KPNA3: variants seen among roughly 807,000 people sequenced by gnomAD.
KPNA3 encodes importin subunit alpha-4.
KPNA3 carries 13 observed loss-of-function variants against 73.8 expected under a neutral mutation model. That is an observed-to-expected ratio of 0.18 (90% CI 0.11 to 0.28). KPNA3 has a LOEUF of 0.28. KPNA3 is among the 10% of genes least tolerant of loss of function. The pLI is 1.00. For synonymous variants in KPNA3, 186 were observed against 206.9 expected, an observed-to-expected ratio of 0.90 and a Z score of 0.87; for missense variants, 360 against 618.1, an observed-to-expected ratio of 0.58 and a Z score of 4.43.
At chr13:49,702,992 C>T (rs770337294) in intron 15 of KPNA3, among the ~76,000 whole-genome samples, 74 of 151,818 alleles carry the variant, frequency 4.9e-4, no homozygotes, top group Non-Finnish European at 1.0e-3. Context: ...CCTAAGCCTC[C>T]CAAGTAGCTG....
At chr13:49,721,879 T>C in intron 9 of KPNA3, 76 bp downstream of exon 9, 2 of 976,004 alleles carry the variant, frequency 2.0e-6, no homozygotes, top group Non-Finnish European at 2.9e-6. Flanking sequence ...TGTATTATTT[T>C]GTCCCCTGTA....
chr13:49,727,789 C>T (rs7993631), intron 6 of KPNA3, among the ~76,000 whole-genome samples: 18,141 of 152,080 alleles, frequency 0.12, 2,172 homozygotes, highest in East Asian at 0.58. Flanking sequence ...AGAAGAGCAA[C>T]ATGAATCCTG....
chr13:49,737,778 A>C (rs556072529), intron 2 of KPNA3, among the ~76,000 whole-genome samples: 2 of 152,166 alleles, frequency 1.3e-5, no homozygotes, highest in South Asian at 4.1e-4. Flanking sequence ...CCTGGCTCTT[A>C]CTGCTGAGTT....
intron 5 of KPNA3, 45 bp from the exon 6 acceptor site, chr13:49,732,511 T>C: frequency 6.8e-7 from 1 of 1,478,840 alleles, no homozygotes; most frequent in Non-Finnish European, 9.4e-7. Flanking sequence ...ATTTTCAAAC[T>C]GTGAAAAGAA....
chr13:49,755,051 A>T (rs1954698810), intron 1 of KPNA3, among the ~76,000 whole-genome samples: 1 of 152,086 alleles, frequency 6.6e-6, no homozygotes, highest in Admixed American at 6.6e-5. Context: ...TAACAAAACC[A>T]GAAAAGACAG....
chr13:49,756,217 T>C (rs999569816), intron 1 of KPNA3, among the ~76,000 whole-genome samples: 10 of 152,148 alleles, frequency 6.6e-5, no homozygotes, highest in Non-Finnish European at 1.2e-4. Context: ...GAGGCTGCAG[T>C]AAGTGGAGAC....
intron 10 of KPNA3, among the ~76,000 whole-genome samples, chr13:49,714,836 A>T (rs1954291025): frequency 6.6e-6 from 1 of 152,098 alleles, no homozygotes; most frequent in African/African-American, 2.4e-5. Flanking sequence ...AATTGAACAA[A>T]AGCTAAACTG....
At chr13:49,775,289 T>A (rs1954889222) in intron 1 of KPNA3, among the ~76,000 whole-genome samples, 1 of 151,894 alleles carries the variant, frequency 6.6e-6, no homozygotes, top group Admixed American at 6.6e-5. Flanking sequence ...GTTAAAATAG[T>A]GCTTCCCAAC....
At chr13:49,770,947 T>C (rs1470293897) in intron 1 of KPNA3, among the ~76,000 whole-genome samples, 1 of 151,886 alleles carries the variant, frequency 6.6e-6, no homozygotes, top group Non-Finnish European at 1.5e-5. Context: ...TCTATCCTTA[T>C]GCCAGTATCA....
At chr13:49,736,551 T>C (rs1476289053) in intron 2 of KPNA3, among the ~76,000 whole-genome samples, 2 of 152,206 alleles carry the variant, frequency 1.3e-5, no homozygotes, top group Admixed American at 1.3e-4. Flanking sequence ...GTTATAAGAA[T>C]ATGGAGAGAT....
At chr13:49,752,097 C>G (rs776387325) in intron 1 of KPNA3, among the ~76,000 whole-genome samples, 2 of 152,106 alleles carry the variant, frequency 1.3e-5, no homozygotes, top group Non-Finnish European at 2.9e-5. Flanking sequence ...TCATGAATGA[C>G]TAGAGACTTT....
At chr13:49,742,678 T>G (rs1954584025) in intron 2 of KPNA3, among the ~76,000 whole-genome samples, 1 of 152,136 alleles carries the variant, frequency 6.6e-6, no homozygotes, top group Non-Finnish European at 1.5e-5. Context: ...TTGCACTGAA[T>G]CTGTACATCA....
At chr13:49,733,851 T>C (rs1344884313) in intron 2 of KPNA3, among the ~76,000 whole-genome samples, 8 of 152,214 alleles carry the variant, frequency 5.3e-5, no homozygotes, top group African/African-American at 1.9e-4. Flanking sequence ...CCCAGCCAAG[T>C]TACCTGAGAC....
intron 1 of KPNA3, among the ~76,000 whole-genome samples, chr13:49,755,063 A>G (rs149962582): frequency 0.01 from 1,528 of 152,124 alleles, 19 homozygotes; most frequent in South Asian, 0.021. Context: ...AAAAGACAGC[A>G]TTAAAAAAAA....
chr13:49,752,633 G>A (rs75038456), intron 1 of KPNA3, among the ~76,000 whole-genome samples: 2,616 of 152,042 alleles, frequency 0.017, 61 homozygotes, highest in African/African-American at 0.06. Context: ...TTTCAGAAAG[G>A]AACCTAGCCA....
intron 1 of KPNA3, among the ~76,000 whole-genome samples, chr13:49,761,383 C>G (rs921652492): frequency 1.3e-5 from 2 of 152,136 alleles, no homozygotes; most frequent in Non-Finnish European, 2.9e-5. Context: ...CGATTGCAGG[C>G]GCACACCGCC....
chr13:49,723,116 G>A (rs1314164318), intron 7 of KPNA3, among the ~76,000 whole-genome samples: 4 of 148,910 alleles, frequency 2.7e-5, no homozygotes, highest in South Asian at 2.1e-4. Context: ...TGTATTACTT[G>A]TATTATTTAC....
In KPNA3 at chr13:49,701,856, C is replaced by T. The variant is rs771402129; in HGVS notation, c.1510G>A (p.Gly504Ser). The T allele has an allele frequency of 3.1e-6, 5 of 1,613,596 alleles. No individual in the cohort carries two copies. Among genetic ancestry groups the T allele is most frequent in the Non-Finnish European group, 4.2e-6 (5 of 1,179,608 alleles). ...GCTGTTGGATCAAAATTGTAGGTAC[C>T]TCCTTGTGTTGCTTCAGGAATGAGG... Reference protein sequence around the residue: ...PCLIPEATQGGTYNFDPTANL... With the variant: ...PCLIPEATQGSTYNFDPTANL... Residue 504 changes from glycine to serine, a missense_variant, in exon 17 of 17, where the codon GGT (glycine) becomes AGT (serine). Around this residue, in one of 3 missense-constraint regions of KPNA3, gnomAD observed 38 missense variants for 39.0 expected, o/e 0.98. Transcript: ENST00000261667.
intron 2 of KPNA3, among the ~76,000 whole-genome samples, chr13:49,737,932 A>G (rs1954539330): frequency 6.6e-6 from 1 of 152,158 alleles, no homozygotes; most frequent in South Asian, 2.1e-4. Flanking sequence ...ATCAGGTCCA[A>G]TTTATCAATT....
Sources: allele counts gnomAD v4.1 joint callset (sites outside exome capture counted in the v4.1 genomes callset), GRCh38; gene constraint gnomAD v4.1.1; regional missense constraint gnomAD v4.1.1; transcripts MANE v1.5; gene names NCBI Gene and HGNC (gene_info 2026-07-23, HGNC 2026-07-21).